Variants in SLC43A2 observed in about 807,000 individuals in gnomAD.
SLC43A2 encodes large neutral amino acids transporter small subunit 4.
In SLC43A2, 38 loss-of-function variants were observed where a neutral mutation model predicts 63.2. The ratio of observed to expected loss-of-function variants is 0.60; its 90% CI spans 0.46 to 0.79. The LOEUF (loss-of-function observed/expected upper bound fraction) is 0.79, where lower values mean the gene tolerates loss of function less well. SLC43A2 is among the 30% of genes least tolerant of loss of function. The pLI, the probability that SLC43A2 is intolerant of heterozygous loss-of-function variation, is 0.00. For missense variants in SLC43A2, 644 were observed against 756.2 expected, an observed-to-expected ratio of 0.85 and a Z score of 1.74; for synonymous variants, 322 against 331.0, an observed-to-expected ratio of 0.97 and a Z score of 0.30.
chr17:1,604,840 G>A, intron 5 of SLC43A2: 1 of 1,535,690 alleles, frequency 6.5e-7, no homozygotes. Context: ...CCTGACATCT[G>A]GGTCACTCCC....
intron 5 of SLC43A2, among the ~76,000 whole-genome samples, chr17:1,607,757 C>G (rs1024705166): frequency 2.6e-5 from 4 of 152,112 alleles, no homozygotes; most frequent in Non-Finnish European, 5.9e-5. Flanking sequence ...GCTCTGTCAC[C>G]CATGCTGGAG....
intron 4 of SLC43A2, among the ~76,000 whole-genome samples, chr17:1,614,270 CTG>C (rs1907391802): frequency 6.6e-6 from 1 of 151,632 alleles, no homozygotes; most frequent in East Asian, 1.9e-4. Context: ...AATTAGCTAG[CTG>C]TGTGTGTGCG....
intron 11 of SLC43A2, among the ~76,000 whole-genome samples, chr17:1,579,146 AAAAATAAT>A (rs1205157076): frequency 2.8e-5 from 4 of 142,516 alleles, no homozygotes; most frequent in African/African-American, 1.1e-4. Context: ...CTCAAAAAAA[AAAAATAAT>A]AATAATAATA....
Position 1,591,331 on chromosome 17 carries a change from T to A in SLC43A2, c.869A>T (p.Glu290Val), listed in dbSNP as rs1468448159. 2 of 1,609,520 alleles carry A rather than the reference T, an allele frequency of 1.2e-6. No individual in the cohort carries two copies. The highest frequency in any genetic ancestry group is 1.7e-6 in the Non-Finnish European group (2 of 1,179,924). ...GGTGGACAGGCACAGCTTGTGGCCC[T>A]CCTGCAGCGCCACCTGCTCCTTGGC... ...RSAKEQVALQ[E>V]GHKLCLSTVD... is the part of the protein sequence containing the mutation. Residue 290 changes from glutamate to valine, a missense_variant, in exon 8 of 14, where the codon GAG becomes GTG. Physicochemically the swap from Glu to Val is moderately radical, Grantham distance 121. Coordinates refer to ENST00000301335, the MANE Select transcript of SLC43A2 (RefSeq NM_152346.3).
Position 1,577,493 on chromosome 17 carries a change from G to C in SLC43A2, c.1424+757C>G, listed in dbSNP as rs2075952184. Among the ~76,000 whole-genome samples, 1 of 152,316 alleles carries C rather than the reference G, an allele frequency of 6.6e-6. No individual in the cohort carries two copies. Among genetic ancestry groups the C allele is most frequent in the East Asian group, 1.9e-4 (1 of 5,180 alleles). On this transcript the variant is annotated intron_variant, in intron 12 of 13. Coordinates refer to ENST00000301335, the MANE Select transcript of SLC43A2 (RefSeq NM_152346.3). The surrounding 1 kb of genome is among the most constrained non-coding windows in gnomAD (Gnocchi z 4.9). Reference sequence around the variant, plus strand: ...GGGAGGGGCAGGCGGAGGGCAAGCGGAGCTGGGATTACCCCAGGGGCTGTT... The same window carrying C: ...GGGAGGGGCAGGCGGAGGGCAAGCGCAGCTGGGATTACCCCAGGGGCTGTT...
intron 9 of SLC43A2, among the ~76,000 whole-genome samples, chr17:1,587,452 C>G (rs1199906040): frequency 6.6e-6 from 1 of 152,234 alleles, no homozygotes; most frequent in Non-Finnish European, 1.5e-5. Context: ...TGGGTCTCCT[C>G]CAGATGGCCA....
At position 1,572,516 on chromosome 17, in the gene SLC43A2, A is replaced by G. The variant is rs1439311989; in HGVS notation, c.*3088T>C. Reference sequence around the variant, plus strand: ...TTTCAGTTGTAAAGCAGGGATGATCATATGTGTTTAACTCCCAGATTGTTA... The same window carrying G: ...TTTCAGTTGTAAAGCAGGGATGATCGTATGTGTTTAACTCCCAGATTGTTA... On this transcript the variant is annotated 3_prime_UTR_variant, in exon 14 of 14. Coordinates refer to ENST00000301335, the MANE Select transcript of SLC43A2 (RefSeq NM_152346.3). 6.6e-6 allele frequency: 1 copy of G among 152,240 alleles called. No individual in the cohort carries two copies. Among genetic ancestry groups the G allele is most frequent in the African/African-American group, 2.4e-5 (1 of 41,448 alleles). The allele number at this position is 152,240 out of a possible 1,614,324, so 9.4% of individuals were successfully genotyped here. A position where few individuals can be genotyped will look rare whatever the true frequency, so the allele number is the denominator to read the frequency against.
chr17:1,629,483 C>T (rs1908991196), upstream of SLC43A2, among the ~76,000 whole-genome samples: 1 of 152,258 alleles, frequency 6.6e-6, no homozygotes, highest in Non-Finnish European at 1.5e-5. Flanking sequence ...GACCCCTTCC[C>T]CTCTCCCCGG....
chr17:1,573,713 C>T lies in SLC43A2; in HGVS notation c.*1891G>A, dbSNP rs35312453. 0.38 allele frequency: 56,987 copies of T among 151,834 alleles called. 11,095 individuals carry two copies. The highest frequency in any genetic ancestry group is 0.44 in the African/African-American group (18,387 of 41,348). 9.4% of individuals were successfully genotyped at this position (151,834 alleles called of 1,614,324 possible). A position where few individuals can be genotyped will look rare whatever the true frequency, so the allele number is the denominator to read the frequency against. On this transcript the variant is annotated 3_prime_UTR_variant, in exon 14 of 14. Coordinates refer to ENST00000301335, the MANE Select transcript of SLC43A2 (RefSeq NM_152346.3). ...CGACTCACGGCAATCTCCGTCTCCC[C>T]GGTTCAAGCGATTCTCCTGCCTCAG...
intron 2 of SLC43A2, among the ~76,000 whole-genome samples, chr17:1,620,684 A>C (rs918890338): frequency 2.0e-5 from 3 of 151,964 alleles, no homozygotes; most frequent in Middle Eastern, 3.4e-3. Flanking sequence ...GAGCAATTTG[A>C]GAGTCTCCCT....
intron 3 of SLC43A2, 98 bp downstream of exon 3, chr17:1,616,464 C>T: frequency 8.3e-7 from 1 of 1,198,218 alleles, no homozygotes. Context: ...CTCCACAGTA[C>T]ACCTGATATC....
intron 2 of SLC43A2, among the ~76,000 whole-genome samples, chr17:1,625,178 A>T (rs529757240): frequency 6.6e-6 from 1 of 152,280 alleles, no homozygotes; most frequent in African/African-American, 2.4e-5. Context: ...TCCCGCACCC[A>T]GGTCCCCAAA....
At position 1,572,519 on chromosome 17, in the gene SLC43A2, T is replaced by C. The variant is rs778714934; in HGVS notation, c.*3085A>G. ...CAGTTGTAAAGCAGGGATGATCATATGTGTTTAACTCCCAGATTGTTATCA... is the reference window on the plus strand; with the variant it reads ...CAGTTGTAAAGCAGGGATGATCATACGTGTTTAACTCCCAGATTGTTATCA... On this transcript the variant is annotated 3_prime_UTR_variant, in exon 14 of 14. Coordinates refer to ENST00000301335, the MANE Select transcript of SLC43A2 (RefSeq NM_152346.3). The C allele has an allele frequency of 2.0e-5, 3 of 152,228 alleles. No homozygotes were observed. The highest frequency in any genetic ancestry group is 2.4e-5 in the African/African-American group (1 of 41,450). The allele number at this position is 152,228 out of a possible 1,614,324, so 9.4% of individuals were successfully genotyped here.
At position 1,605,273 on chromosome 17, in the gene SLC43A2, G is replaced by A. The variant is rs1157151262; in HGVS notation, c.501+7922C>T. 24 of 1,047,030 alleles carry A rather than the reference G, an allele frequency of 2.3e-5. No homozygotes were observed. The highest frequency in any genetic ancestry group is 6.8e-5 in the African/African-American group (4 of 59,118). The allele number at this position is 1,047,030 out of a possible 1,614,324, so 64.9% of individuals were successfully genotyped here. A position where few individuals can be genotyped will look rare whatever the true frequency, so the allele number is the denominator to read the frequency against. ...CCCCTGGCTGCAGCATAAACAGGCC[G>A]GACTGTGTGACCTTCCCAGAGGGGA... On this transcript the variant is annotated intron_variant, in intron 5 of 13. Transcript: ENST00000301335. The surrounding 1 kb of genome is among the most constrained non-coding windows in gnomAD (Gnocchi z 4.9).
At chr17:1,591,132 C>G (rs1904729893) in intron 8 of SLC43A2, 137 bp downstream of exon 8, 1 of 1,301,966 alleles carries the variant, frequency 7.7e-7, no homozygotes, top group Admixed American at 2.3e-5. Context: ...CTTTCCCTCC[C>G]CCAGGCCTTC....
At position 1,587,078 on chromosome 17, in the gene SLC43A2, A is replaced by ATTTCCCACACTGCG. The variant is rs1472759371; in HGVS notation, c.1079-1041_1079-1028dup. On this transcript the variant is annotated intron_variant, in intron 9 of 13. Coordinates refer to ENST00000301335, the MANE Select transcript of SLC43A2 (RefSeq NM_152346.3). ...TCACTCCATGCCCAGCACGCACTGCATTTCCCACACTGCGTTTCCCGCACT... is the reference window on the plus strand; with the variant it reads ...TCACTCCATGCCCAGCACGCACTGCATTTCCCACACTGCGTTTCCCACACTGCGTTTCCCGCACT... 9.0e-4 allele frequency: 281 copies of ATTTCCCACACTGCG among 313,356 alleles called. 2 individuals carry two copies. Among genetic ancestry groups the ATTTCCCACACTGCG allele is most frequent in the Non-Finnish European group, 1.2e-3 (256 of 214,200 alleles). 19.4% of individuals were successfully genotyped at this position (313,356 alleles called of 1,614,324 possible).
intron 5 of SLC43A2, among the ~76,000 whole-genome samples, chr17:1,600,850 G>A (rs568550074): frequency 6.3e-4 from 94 of 150,334 alleles, no homozygotes; most frequent in African/African-American, 2.1e-3. Context: ...GAACCATTGC[G>A]CCCAGACTTT....
chr17:1,601,551 C>T (rs1906019697), intron 5 of SLC43A2, among the ~76,000 whole-genome samples: 2 of 151,018 alleles, frequency 1.3e-5, no homozygotes, highest in Admixed American at 6.6e-5. Context: ...CCGAGACTAC[C>T]CCAGGCATGC....
chr17:1,629,162 CG>C (rs1908969046), upstream of SLC43A2, among the ~76,000 whole-genome samples: 1 of 152,012 alleles, frequency 6.6e-6, no homozygotes, highest in African/African-American at 2.4e-5. Flanking sequence ...CTCCGCGTCC[CG>C]GCCCCCAGCG....
Sources: gnomAD v4.1 joint callset for allele counts (sites outside exome capture counted in the v4.1 genomes callset) on GRCh38, gnomAD v4.1.1 for gene constraint, Gnocchi (gnomAD v3.1) non-coding constraint, MANE v1.5 for transcripts, NCBI Gene and HGNC (gene_info 2026-07-23, HGNC 2026-07-21) for gene names.